The following FHIT variants were observed in gnomAD, a reference collection of about 807,000 sequenced individuals.
FHIT encodes fragile histidine triad diadenosine triphosphatase.
Under a neutral mutation model 17.9 loss-of-function variants are expected in FHIT, and 19 were observed. That is an observed-to-expected ratio of 1.06 (90% confidence interval 0.74 to 1.56). The LOEUF (loss-of-function observed/expected upper bound fraction) is 1.56, where lower values mean the gene tolerates loss of function less well. Ranked by LOEUF, FHIT falls within the 40% of genes most tolerant of loss-of-function variation. The pLI is 0.00. For synonymous variants in FHIT, 81 were observed against 69.7 expected (o/e 1.16, Z -0.81); for missense variants, 248 against 189.2 (o/e 1.31, Z -1.82).
chr3:60,087,411 C>A (rs150515526), intron 5 of FHIT, among the ~76,000 whole-genome samples: 268 of 152,286 alleles, frequency 1.8e-3, no homozygotes, highest in African/African-American at 6.2e-3. Flanking sequence ...CATTGGATTC[C>A]TCTTCTGAAA....
At chr3:59,765,945 A>G (rs1701774664) in intron 8 of FHIT, among the ~76,000 whole-genome samples, 1 of 152,236 alleles carries the variant, frequency 6.6e-6, no homozygotes, top group South Asian at 2.1e-4. Context: ...AATCTTAACA[A>G]TATATTAGTT....
intron 5 of FHIT, among the ~76,000 whole-genome samples, chr3:60,418,450 C>T (rs371115010): frequency 2.3e-5 from 3 of 132,830 alleles, no homozygotes; most frequent in East Asian, 2.2e-4. Flanking sequence ...ACACCACAGA[C>T]GATTAGACAG....
chr3:60,753,140 C>T (rs1388479814), intron 4 of FHIT, among the ~76,000 whole-genome samples: 1 of 152,216 alleles, frequency 6.6e-6, no homozygotes, highest in Non-Finnish European at 1.5e-5. Context: ...GGCATTCACA[C>T]AACACAGCAT....
intron 5 of FHIT, among the ~76,000 whole-genome samples, chr3:60,023,051 C>A (rs954226858): frequency 2.6e-4 from 39 of 152,146 alleles, no homozygotes; most frequent in African/African-American, 9.2e-4. Flanking sequence ...AATGGGAACA[C>A]ACCAATATGA....
intron 5 of FHIT, among the ~76,000 whole-genome samples, chr3:60,130,771 TGTGTGTGTGTGTG>T (rs1157281127): frequency 0.1 from 28 of 278 alleles, no homozygotes; most frequent in Non-Finnish European, 0.052. Flanking sequence ...TGTGTTTGTG[TGTGTGTGTGTGTG>T]GTGTGTATAT....
chr3:60,308,676 T>G (rs1708799555), intron 5 of FHIT, among the ~76,000 whole-genome samples: 2 of 152,074 alleles, frequency 1.3e-5, no homozygotes, highest in Admixed American at 1.3e-4. Context: ...GAACACAACA[T>G]TGTTTTAAGA....
At chr3:60,534,855 A>G (rs916808020) in intron 5 of FHIT, among the ~76,000 whole-genome samples, 3 of 152,208 alleles carry the variant, frequency 2.0e-5, no homozygotes, top group African/African-American at 7.2e-5. Flanking sequence ...TTCACTACAG[A>G]TATTTTCCTA....
chr3:60,838,426 C>G (rs982678800), intron 3 of FHIT, among the ~76,000 whole-genome samples: 1 of 152,046 alleles, frequency 6.6e-6, no homozygotes, highest in Non-Finnish European at 1.5e-5. Context: ...GAGTCGAGAT[C>G]GCGCCACCGC....
chr3:60,755,451 T>C lies in FHIT; in HGVS notation c.-18+66468A>G, dbSNP rs141252176. Among the ~76,000 whole-genome samples the C allele has an allele frequency of 1.6e-3, 237 of 152,318 alleles. 1 individual carries two copies. Among genetic ancestry groups the C allele is most frequent in the African/African-American group, 5.3e-3 (222 of 41,568 alleles). On this transcript the variant is annotated intron_variant, in intron 4 of 9. Transcript: ENST00000492590. ...TAATATCTCAACTTCAAATGTTGGC[T>C]CACTTAGGATGACAATGACTCTGTG...
chr3:60,544,503 C>T (rs957559541), intron 4 of FHIT, among the ~76,000 whole-genome samples: 6 of 151,890 alleles, frequency 4.0e-5, no homozygotes, highest in Non-Finnish European at 7.4e-5. Context: ...AATTCAACTC[C>T]GTCACAAGGT....
At chr3:61,211,342 A>G (rs750301638) in intron 1 of FHIT, among the ~76,000 whole-genome samples, 16 of 152,196 alleles carry the variant, frequency 1.1e-4, no homozygotes, top group Non-Finnish European at 2.2e-4. Flanking sequence ...ACGGCGCACC[A>G]GAAGATTATA....
At chr3:59,804,827 C>T (rs1190434188) in intron 8 of FHIT, among the ~76,000 whole-genome samples, 1 of 152,168 alleles carries the variant, frequency 6.6e-6, no homozygotes, top group Non-Finnish European at 1.5e-5. Context: ...GTCAGGTGAT[C>T]TCTGGAGCTG....
intron 7 of FHIT, among the ~76,000 whole-genome samples, chr3:59,937,077 T>G (rs1706277491): frequency 1.3e-5 from 2 of 152,166 alleles, no homozygotes. Context: ...ATGCTGAGCT[T>G]TATGTCGATG....
chr3:59,958,232 T>A (rs1045886505), intron 7 of FHIT, among the ~76,000 whole-genome samples: 1 of 152,220 alleles, frequency 6.6e-6, no homozygotes, highest in Admixed American at 6.5e-5. Flanking sequence ...ATCTTTTCTG[T>A]GGCAGTCCCC....
chr3:61,245,447 G>A (rs914156648), intron 1 of FHIT, among the ~76,000 whole-genome samples: 2 of 152,176 alleles, frequency 1.3e-5, no homozygotes, highest in African/African-American at 2.4e-5. Flanking sequence ...GACCACTGAA[G>A]AGTATCCTAA....
At chr3:60,087,270 T>A (rs977533878) in intron 5 of FHIT, among the ~76,000 whole-genome samples, 1 of 152,212 alleles carries the variant, frequency 6.6e-6, no homozygotes, top group Non-Finnish European at 1.5e-5. Flanking sequence ...TCTGGGCCTA[T>A]GATAGGAGGG....
chr3:60,932,195 G>C (rs1355700987), intron 3 of FHIT, among the ~76,000 whole-genome samples: 1 of 152,118 alleles, frequency 6.6e-6, no homozygotes, highest in Admixed American at 6.5e-5. Flanking sequence ...TTATTCTCAC[G>C]ATCACATTCT....
intron 5 of FHIT, among the ~76,000 whole-genome samples, chr3:60,348,041 G>A (rs1192301726): frequency 6.6e-6 from 1 of 151,986 alleles, no homozygotes; most frequent in African/African-American, 2.4e-5. Context: ...TTACAGGTGT[G>A]AGCCACCACA....
chr3:60,133,496 G>C (rs1699684220), intron 5 of FHIT, among the ~76,000 whole-genome samples: 1 of 152,126 alleles, frequency 6.6e-6, no homozygotes, highest in Non-Finnish European at 1.5e-5. Flanking sequence ...TCAGCATCTT[G>C]TCTACCAGCT....
Sources: allele counts gnomAD v4.1 joint callset (sites outside exome capture counted in the v4.1 genomes callset), GRCh38; gene constraint gnomAD v4.1.1; transcripts MANE v1.5; gene names NCBI Gene and HGNC (gene_info 2026-07-23, HGNC 2026-07-21).